Variants in LRRTM4 observed in about 807,000 individuals in gnomAD.
LRRTM4 encodes leucine rich repeat transmembrane neuronal 4.
A neutral mutation model predicts 47.6 loss-of-function variants in LRRTM4; 25 were observed. The observed-to-expected ratio is 0.53, with a 90% CI of 0.38 to 0.73. LRRTM4 has a LOEUF of 0.73. Ranked by LOEUF, LRRTM4 falls within the 30% of genes least tolerant of loss-of-function variation. The pLI is 0.00. For synonymous variants in LRRTM4, 311 were observed against 269.5 expected, an observed-to-expected ratio of 1.15 and a Z score of -1.51; for missense variants, 638 against 713.4, an observed-to-expected ratio of 0.89 and a Z score of 1.20.
chr2:77,136,985 C>G (rs1023164981), intron 3 of LRRTM4, among the ~76,000 whole-genome samples: 1 of 151,752 alleles, frequency 6.6e-6, no homozygotes, highest in African/African-American at 2.4e-5. Context: ...GTGAAAAGAC[C>G]AAATCTACGT....
chr2:76,982,307 A>C (rs927986682), intron 3 of LRRTM4, among the ~76,000 whole-genome samples: 1 of 152,020 alleles, frequency 6.6e-6, no homozygotes, highest in Non-Finnish European at 1.5e-5. Flanking sequence ...GTCATATCAA[A>C]ACAACTATAT....
At chr2:77,474,083 A>G (rs1218839764) in intron 3 of LRRTM4, among the ~76,000 whole-genome samples, 3 of 152,160 alleles carry the variant, frequency 2.0e-5, no homozygotes, top group Non-Finnish European at 2.9e-5. Context: ...GGTCAGAGGT[A>G]AAGAAAAATT....
rs534340351 is a variant in LRRTM4, at chr2:76,854,438, A to T, written c.1552-105522T>A. Among the ~76,000 whole-genome samples, 17 of 152,284 alleles carry T rather than the reference A, an allele frequency of 1.1e-4. No individual in the cohort carries two copies. In the South Asian group the frequency reaches 3.1e-3, roughly 28 times the overall value. On this transcript the variant is annotated intron_variant, in intron 3 of 3. Transcript: ENST00000409884. ...CTTTCAATCAGAAGTAACATGCACAATGACCAAAATACAAAGCTATGAGGA... is the reference window on the plus strand; with the variant it reads ...CTTTCAATCAGAAGTAACATGCACATTGACCAAAATACAAAGCTATGAGGA...
chr2:76,919,850 TG>T (rs2103804903), intron 3 of LRRTM4, among the ~76,000 whole-genome samples: 1 of 152,310 alleles, frequency 6.6e-6, no homozygotes, highest in Admixed American at 6.5e-5. Flanking sequence ...ATGACGGGTC[TG>T]TCTTCTTGTT....
At chr2:77,209,782 G>T (rs1162909767) in intron 3 of LRRTM4, among the ~76,000 whole-genome samples, 1 of 152,170 alleles carries the variant, frequency 6.6e-6, no homozygotes, top group African/African-American at 2.4e-5. Context: ...ATAGAAAATA[G>T]TTTTATCTGG....
chr2:77,001,761 C>T (rs1384485597), intron 3 of LRRTM4, among the ~76,000 whole-genome samples: 4 of 152,286 alleles, frequency 2.6e-5, no homozygotes, highest in Admixed American at 2.0e-4. Flanking sequence ...GAGCCTTTCT[C>T]CCATGCCCTT....
chr2:77,408,839 T>C (rs937563623), intron 3 of LRRTM4, among the ~76,000 whole-genome samples: 1 of 152,222 alleles, frequency 6.6e-6, no homozygotes, highest in Non-Finnish European at 1.5e-5. Context: ...ATCTGTTTCA[T>C]AAATGTGTTT....
intron 3 of LRRTM4, among the ~76,000 whole-genome samples, chr2:77,475,617 A>G (rs1208869885): frequency 3.9e-5 from 6 of 151,976 alleles, no homozygotes; most frequent in Non-Finnish European, 7.4e-5. Flanking sequence ...ATTAAATAAT[A>G]TACATATTTT....
chr2:76,967,977 A>G (rs1158332063), intron 3 of LRRTM4, among the ~76,000 whole-genome samples: 1 of 151,578 alleles, frequency 6.6e-6, no homozygotes, highest in Non-Finnish European at 1.5e-5. Context: ...TGGCAAATAT[A>G]AAGACAAATG....
intron 3 of LRRTM4, among the ~76,000 whole-genome samples, chr2:77,246,934 G>C (rs1675463824): frequency 6.6e-6 from 1 of 151,740 alleles, no homozygotes; most frequent in South Asian, 2.1e-4. Context: ...TGAATATATA[G>C]TACTATTCCC....
chr2:76,762,874 A>G (rs935776395), intron 3 of LRRTM4, among the ~76,000 whole-genome samples: 7 of 152,204 alleles, frequency 4.6e-5, no homozygotes, highest in African/African-American at 1.7e-4. Flanking sequence ...CATGTGAAGC[A>G]GGAAGTTTGT....
intron 3 of LRRTM4, among the ~76,000 whole-genome samples, chr2:77,156,762 C>T (rs112746576): frequency 1.2e-3 from 173 of 149,462 alleles, no homozygotes; most frequent in African/African-American, 4.0e-3. Context: ...GGCTAGAGTG[C>T]AGTGGCATAA....
At chr2:77,082,776 G>C (rs1680574436) in intron 3 of LRRTM4, among the ~76,000 whole-genome samples, 1 of 151,956 alleles carries the variant, frequency 6.6e-6, no homozygotes. Flanking sequence ...TCTCTAACAA[G>C]TATTTCTTTC....
chr2:76,938,955 A>G (rs76646503), intron 3 of LRRTM4, among the ~76,000 whole-genome samples: 2,952 of 152,130 alleles, frequency 0.019, 84 homozygotes, highest in African/African-American at 0.063. Flanking sequence ...ACATTCTCTG[A>G]TAATTTTTTT....
intron 3 of LRRTM4, among the ~76,000 whole-genome samples, chr2:76,986,907 G>A (rs764786186): frequency 4.5e-4 from 69 of 151,896 alleles, no homozygotes; most frequent in African/African-American, 1.6e-3. Context: ...TCTTCAATTT[G>A]CATGGTAACT....
rs534875633 is a variant in LRRTM4, at chr2:76,926,958, T to TA, written c.1552-178043dup. 4.6e-5 allele frequency among the ~76,000 whole-genome samples: 7 copies of TA among 152,118 alleles called. No homozygotes were observed. The South Asian group carries it at 1.2e-3, about 27-fold the overall frequency. ...CGTTTCACCAGGACCAAAGCAAAGATACGTGAAAATGTGTCAAGATGGTGA... is the reference window on the plus strand; with the variant it reads ...CGTTTCACCAGGACCAAAGCAAAGATAACGTGAAAATGTGTCAAGATGGTGA... On this transcript the variant is annotated intron_variant, in intron 3 of 3. Coordinates refer to ENST00000409884, the MANE Select transcript of LRRTM4 (RefSeq NM_001134745.3).
chr2:77,243,746 T>C (rs1232913381), intron 3 of LRRTM4, among the ~76,000 whole-genome samples: 3 of 145,776 alleles, frequency 2.1e-5, no homozygotes, highest in Non-Finnish European at 1.5e-5. Context: ...GGATAATTGA[T>C]ACCATATCCC....
chr2:77,024,120 C>G (rs1271591751), intron 3 of LRRTM4, among the ~76,000 whole-genome samples: 1 of 152,148 alleles, frequency 6.6e-6, no homozygotes, highest in Non-Finnish European at 1.5e-5. Flanking sequence ...GAGACTTACT[C>G]ATTACCACAA....
chr2:77,105,467 C>T (rs547618563), intron 3 of LRRTM4, among the ~76,000 whole-genome samples: 3 of 129,898 alleles, frequency 2.3e-5, no homozygotes, highest in African/African-American at 6.1e-5. Flanking sequence ...AATGAGAACA[C>T]ATGGACACAG....
Sources: allele counts gnomAD v4.1 joint callset (sites outside exome capture counted in the v4.1 genomes callset), GRCh38; gene constraint gnomAD v4.1.1; transcripts MANE v1.5; gene names NCBI Gene and HGNC (gene_info 2026-07-23, HGNC 2026-07-21).